The following SOS1 variants were observed in gnomAD, a reference collection of about 807,000 sequenced individuals.
SOS1 encodes the protein son of sevenless homolog 1.
A neutral mutation model predicts 157.6 loss-of-function variants in SOS1; 25 were observed. The ratio of observed to expected loss-of-function variants is 0.16; its 90% CI spans 0.12 to 0.22. SOS1 has a LOEUF of 0.22. Among genes scored for constraint, SOS1 ranks in the 10% least tolerant of loss-of-function variants. The pLI is 1.00. For synonymous variants in SOS1, 528 were observed against 534.0 expected (o/e 0.99, Z 0.16); for missense variants, 1,237 against 1,599.1 (o/e 0.77, Z 3.86).
chr2:39,042,467 A>C (rs1670604564), intron 6 of SOS1, among the ~76,000 whole-genome samples: 1 of 152,020 alleles, frequency 6.6e-6, no homozygotes, highest in African/African-American at 2.4e-5. Context: ...GCAGTGGCAC[A>C]ATCTCGGCTC....
chr2:39,034,974 A>T, intron 8 of SOS1: 1 of 566,142 alleles, frequency 1.8e-6, no homozygotes, highest in Non-Finnish European at 3.2e-6. Context: ...AACCAAAAAT[A>T]AAAAAAAGAA....
intron 15 of SOS1, among the ~76,000 whole-genome samples, chr2:39,008,266 A>G (rs1383665927): frequency 1.3e-5 from 2 of 152,172 alleles, no homozygotes; most frequent in Non-Finnish European, 2.9e-5. Context: ...GTTCCATGCC[A>G]GAAGAGGCGG....
chr2:39,081,885 T>C (rs954808934), intron 1 of SOS1, among the ~76,000 whole-genome samples: 1 of 152,196 alleles, frequency 6.6e-6, no homozygotes, highest in African/African-American at 2.4e-5. Flanking sequence ...AAAACTTGCT[T>C]ATTCAACCTT....
chr2:39,085,329 T>G (rs534399019), intron 1 of SOS1, among the ~76,000 whole-genome samples: 22 of 152,366 alleles, frequency 1.4e-4, no homozygotes, highest in Non-Finnish European at 1.2e-4. Context: ...ATTCCAGGCA[T>G]GGGCCACCAC....
rs193223219 is a variant in SOS1 at position 38,986,448 on chromosome 2, T to G, written c.3511-133A>C. ...GTGTGGAACAGGGAGTTTTGCCATA[T>G]GTTTTCTTTTTAATTAAAAAAAAAT... On this transcript the variant is annotated intron_variant, in intron 22 of 22. Coordinates refer to ENST00000402219, the MANE Select transcript of SOS1 (RefSeq NM_005633.4). 2.9e-5 allele frequency: 26 copies of G among 899,284 alleles called. 1 individual carries two copies. The African/African-American group carries it at 3.0e-4, about 11-fold the overall frequency. 55.7% of individuals were successfully genotyped at this position (899,284 alleles called of 1,614,324 possible).
intron 2 of SOS1, among the ~76,000 whole-genome samples, chr2:39,060,505 C>T (rs578168080): frequency 3.3e-5 from 5 of 152,282 alleles, no homozygotes; most frequent in South Asian, 4.1e-4. Flanking sequence ...CAGTTCACTG[C>T]GACCACCACT....
At chr2:39,122,458 A>G (rs895313953), upstream of SOS1, among the ~76,000 whole-genome samples, 5 of 148,520 alleles carry the variant, frequency 3.4e-5, no homozygotes, top group African/African-American at 1.2e-4. Flanking sequence ...ACACACACAC[A>G]CACACACACA....
chr2:39,070,888 A>C (rs1261872392), intron 1 of SOS1, among the ~76,000 whole-genome samples: 1 of 152,142 alleles, frequency 6.6e-6, no homozygotes, highest in Non-Finnish European at 1.5e-5. Context: ...TTTGAGATGG[A>C]GTCTCGCTCT....
chr2:39,038,837 GT>G lies in SOS1; in HGVS notation c.865-3338del, dbSNP rs554484980. Reference sequence around the variant, plus strand: ...GGACTTAGAATATTACATCAACTTAGTTGATAAAACGGTGGCAGAGTTTGAG... The same window carrying G: ...GGACTTAGAATATTACATCAACTTAGTGATAAAACGGTGGCAGAGTTTGAG... On this transcript the variant is annotated intron_variant, in intron 6 of 22. Coordinates refer to ENST00000402219, the MANE Select transcript of SOS1 (RefSeq NM_005633.4). Among the ~76,000 whole-genome samples the G allele has an allele frequency of 2.0e-4, 31 of 151,428 alleles. 1 individual carries two copies. The East Asian group carries it at 6.0e-3, about 30-fold the overall frequency.
chr2:39,054,737 T>G lies in SOS1; in HGVS notation c.597A>C (p.Gln199His), dbSNP rs397517175. 3.1e-6 allele frequency: 5 copies of G among 1,594,918 alleles called. No homozygotes were observed. The highest frequency in any genetic ancestry group is 4.3e-6 in the Non-Finnish European group (5 of 1,162,584). ...ATGCTTTTACCAAATCATAGTAAGTTTGTTCTCCTGAGGTGGAAGGCTCTT... is the reference window on the plus strand; with the variant it reads ...ATGCTTTTACCAAATCATAGTAAGTGTGTTCTCCTGAGGTGGAAGGCTCTT... ...TDEEPSTSGE[Q>H]TYYDLVKAFM... Residue 199 changes from glutamine to histidine, a missense_variant, in exon 5 of 23, where the codon CAA (glutamine) becomes CAC (histidine). Physicochemically the swap from Gln to His is conservative, Grantham distance 24. This residue lies in a region of SOS1 where 108 missense variants were observed against 115.3 expected (regional missense o/e 0.94). Transcript: ENST00000402219.
chr2:39,012,381 ATATTCTTT>A, intron 13 of SOS1, 33 bp from the exon 14 acceptor site: 1 of 964,664 alleles, frequency 1.0e-6, no homozygotes, highest in Non-Finnish European at 1.5e-6. Context: ...TAACATTTAA[ATATTCTTT>A]ATTTAATATT....
chr2:39,076,057 A>G (rs961234748), intron 1 of SOS1, among the ~76,000 whole-genome samples: 3 of 152,282 alleles, frequency 2.0e-5, no homozygotes, highest in East Asian at 3.9e-4. Flanking sequence ...AACCAAACCA[A>G]CACTATCTAG....
chr2:39,007,398 G>C, intron 15 of SOS1: 1 of 563,044 alleles, frequency 1.8e-6, no homozygotes, highest in Admixed American at 3.1e-5. Flanking sequence ...TTCTAGACTG[G>C]TACAGTCAAA....
Position 39,007,062 on chromosome 2 carries a change from G to C in SOS1, c.2642C>G (p.Ser881Ter). 1 of 1,611,744 alleles carries C rather than the reference G, an allele frequency of 6.2e-7. No homozygotes were observed. The highest frequency in any genetic ancestry group is 1.3e-5 in the African/African-American group (1 of 74,976). ...TGTGTGGTCTAGTCTGTAAACAGGT[G>C]ATGAATTCATAGCACTGACAACCTC... ...VLEVVSAMNS[S>*]PVYRLDHTFE... The change falls in exon 16 of 23, where the codon TCA (serine) becomes TGA (stop). Residue 881 changes from serine (S) to a stop codon, truncating the protein, a stop_gained. Coordinates refer to ENST00000402219, the MANE Select transcript of SOS1 (RefSeq NM_005633.4). LOFTEE classifies it high-confidence loss of function.
intron 1 of SOS1, among the ~76,000 whole-genome samples, chr2:39,087,853 A>G (rs554802600): frequency 6.6e-6 from 1 of 151,754 alleles, no homozygotes; most frequent in Non-Finnish European, 1.5e-5. Flanking sequence ...TAATTTTTAA[A>G]ATTTTTTTAG....
rs759310872 is a variant in SOS1, at chr2:39,054,715, C to T, written c.619G>A (p.Ala207Thr). 6.3e-7 allele frequency: 1 copy of T among 1,597,826 alleles called. No homozygotes were observed. Among genetic ancestry groups the T allele is most frequent in the South Asian group, 1.1e-5 (1 of 90,704 alleles). ...GEQTYYDLVK[A>T]FMAEIRQYIR... ...TATTGTCGAATTTCTGCCATAAATG[C>T]TTTTACCAAATCATAGTAAGTTTGT... Residue 207 changes from alanine to threonine, a missense_variant, in exon 5 of 23, where the codon GCA becomes ACA. Ala to Thr is a moderately conservative substitution (Grantham distance 58). Transcript: ENST00000402219.
chr2:39,102,512 C>G (rs1333035649), intron 1 of SOS1, among the ~76,000 whole-genome samples: 1 of 92,208 alleles, frequency 1.1e-5, no homozygotes, highest in Non-Finnish European at 1.9e-5. Flanking sequence ...GCCTGGGCAA[C>G]AGAGCAAGAC....
At chr2:39,102,798 G>C (rs1052689063) in intron 1 of SOS1, among the ~76,000 whole-genome samples, 2 of 151,876 alleles carry the variant, frequency 1.3e-5, no homozygotes, top group Non-Finnish European at 2.9e-5. Context: ...ACAAAAATTA[G>C]CCAGTGTGAT....
At chr2:39,004,557 T>TA (rs1161050748) in intron 17 of SOS1, among the ~76,000 whole-genome samples, 1 of 151,866 alleles carries the variant, frequency 6.6e-6, no homozygotes, top group East Asian at 1.9e-4. Context: ...AGTTTGATAT[T>TA]AGAGTTAAAT....
Sources: allele counts gnomAD v4.1 joint callset (sites outside exome capture counted in the v4.1 genomes callset), GRCh38; gene constraint gnomAD v4.1.1; regional missense constraint gnomAD v4.1.1; transcripts MANE v1.5; gene names NCBI Gene and HGNC (gene_info 2026-07-23, HGNC 2026-07-21).